Variants in ACTR3B observed in about 807,000 individuals in gnomAD.
ACTR3B encodes the protein actin-related protein 3B.
ACTR3B carries 8 observed loss-of-function variants against 59.0 expected under a neutral mutation model. The ratio of observed to expected loss-of-function variants is 0.14; its 90% CI spans 0.08 to 0.24. ACTR3B has a LOEUF of 0.24. Ranked by LOEUF, ACTR3B falls within the 10% of genes least tolerant of loss-of-function variation. ACTR3B has a pLI of 1.00. For missense variants in ACTR3B, 245 were observed against 552.3 expected, an observed-to-expected ratio of 0.44 and a Z score of 5.58; for synonymous variants, 148 against 197.9, an observed-to-expected ratio of 0.75 and a Z score of 2.12.
At chr7:152,770,770 A>G (rs2098122028) in intron 1 of ACTR3B, among the ~76,000 whole-genome samples, 1 of 137,024 alleles carries the variant, frequency 7.3e-6, no homozygotes, top group South Asian at 2.2e-4. Context: ...ATTCAGTGTC[A>G]TTGTAAGCAT....
chr7:152,820,158 G>A, intron 6 of ACTR3B, 141 bp from the exon 7 acceptor site: 1 of 1,450,596 alleles, frequency 6.9e-7, no homozygotes, highest in Non-Finnish European at 9.2e-7. Context: ...TACTGAGCTT[G>A]CAGAGGGTGG....
intron 9 of ACTR3B, among the ~76,000 whole-genome samples, chr7:152,835,822 TGTC>T (rs1340278676): frequency 6.6e-6 from 1 of 152,264 alleles, no homozygotes; most frequent in Non-Finnish European, 1.5e-5. Flanking sequence ...TTAATAGTTC[TGTC>T]TCCCTACCCG....
intron 1 of ACTR3B, among the ~76,000 whole-genome samples, chr7:152,762,402 CA>C (rs1331492109): frequency 6.6e-6 from 1 of 152,026 alleles, no homozygotes; most frequent in Non-Finnish European, 1.5e-5. Flanking sequence ...TGGAAGAGAA[CA>C]AAAAACTACT....
At chr7:152,801,359 G>A (rs1161599634) in intron 3 of ACTR3B, among the ~76,000 whole-genome samples, 1 of 152,324 alleles carries the variant, frequency 6.6e-6, no homozygotes, top group East Asian at 1.9e-4. Context: ...GATTAGAGGC[G>A]TGAGCCACTG....
At chr7:152,779,259 C>T (rs528478162) in intron 1 of ACTR3B, among the ~76,000 whole-genome samples, 165 of 151,950 alleles carry the variant, frequency 1.1e-3, no homozygotes, top group Non-Finnish European at 1.8e-3. Flanking sequence ...TAGTGAATCG[C>T]GCACAGCCCC....
At chr7:152,804,666 C>T (rs572710304) in intron 4 of ACTR3B, among the ~76,000 whole-genome samples, 1 of 152,278 alleles carries the variant, frequency 6.6e-6, no homozygotes, top group South Asian at 2.1e-4. Context: ...GTCAAAACCA[C>T]CCATGAAAAT....
intron 4 of ACTR3B, chr7:152,811,601 T>C (rs1795242971): frequency 6.6e-6 from 1 of 152,252 alleles, no homozygotes; most frequent in Non-Finnish European, 1.5e-5. Context: ...TTTTTCTCTT[T>C]GCTTTTTATT....
intron 9 of ACTR3B, among the ~76,000 whole-genome samples, chr7:152,830,962 A>G (rs1343628710): frequency 6.6e-6 from 1 of 152,248 alleles, no homozygotes; most frequent in Non-Finnish European, 1.5e-5. Flanking sequence ...TAGGTCTTTT[A>G]TTCAGATGAA....
chr7:152,840,403 C>T (rs1229770629), intron 9 of ACTR3B, among the ~76,000 whole-genome samples: 1 of 152,186 alleles, frequency 6.6e-6, no homozygotes, highest in African/African-American at 2.4e-5. Context: ...TCTAATTTCC[C>T]CTCAGACCTG....
intron 4 of ACTR3B, 97 bp from the exon 5 acceptor site, chr7:152,814,453 T>A (rs1795520164): frequency 3.2e-6 from 3 of 938,738 alleles, no homozygotes; most frequent in East Asian, 5.5e-5. Context: ...TTGTATAATG[T>A]CCTCGCTAAC....
At chr7:152,813,808 C>T (rs1194277763) in intron 4 of ACTR3B, 2 of 140,056 alleles carry the variant, frequency 1.4e-5, no homozygotes, top group Non-Finnish European at 3.1e-5. Flanking sequence ...GGATGATGGG[C>T]GTGAGCTACC....
At chr7:152,769,829 T>C (rs553093297) in intron 1 of ACTR3B, among the ~76,000 whole-genome samples, 1 of 151,834 alleles carries the variant, frequency 6.6e-6, no homozygotes, top group South Asian at 2.1e-4. Flanking sequence ...CTTGCATCTC[T>C]TCTTCCTCTC....
chr7:152,759,871 C>G lies in ACTR3B; in HGVS notation c.-12C>G. 5 of 1,321,608 alleles carry G rather than the reference C, an allele frequency of 3.8e-6. No individual in the cohort carries two copies. The highest frequency in any genetic ancestry group is 4.9e-6 in the Non-Finnish European group (5 of 1,026,912). 81.9% of individuals were successfully genotyped at this position (1,321,608 alleles called of 1,614,324 possible). On this transcript the variant is annotated 5_prime_UTR_variant, in exon 1 of 12. Coordinates refer to ENST00000256001, the MANE Select transcript of ACTR3B (RefSeq NM_020445.6). ...GGGCTGCCGGCGGGGCCGAGCGCCGCGCGTCCCGAGCATGGCAGGCTCCCT... is the reference window on the plus strand; with the variant it reads ...GGGCTGCCGGCGGGGCCGAGCGCCGGGCGTCCCGAGCATGGCAGGCTCCCT...
At chr7:152,848,091 C>G (rs1396076918) in intron 9 of ACTR3B, among the ~76,000 whole-genome samples, 1 of 151,882 alleles carries the variant, frequency 6.6e-6, no homozygotes, top group South Asian at 2.1e-4. Flanking sequence ...TTCAGAATAA[C>G]AATAGCTCAG....
At chr7:152,808,503 A>G (rs2098259347) in intron 4 of ACTR3B, among the ~76,000 whole-genome samples, 1 of 152,096 alleles carries the variant, frequency 6.6e-6, no homozygotes, top group Non-Finnish European at 1.5e-5. Flanking sequence ...GAGAGAATGC[A>G]GGGAGCCAGG....
At chr7:152,780,908 C>A (rs1175749736) in intron 1 of ACTR3B, among the ~76,000 whole-genome samples, 1 of 147,180 alleles carries the variant, frequency 6.8e-6, no homozygotes, top group Non-Finnish European at 1.5e-5. Context: ...GGCAGTGGGG[C>A]AGTCATAGTT....
chr7:152,841,728 A>C (rs1797882346), intron 9 of ACTR3B, among the ~76,000 whole-genome samples: 1 of 152,216 alleles, frequency 6.6e-6, no homozygotes, highest in Non-Finnish European at 1.5e-5. Flanking sequence ...ATGAAGAGTT[A>C]GAGACTGTAC....
At chr7:152,850,291 G>A (rs1798695705) in intron 9 of ACTR3B, among the ~76,000 whole-genome samples, 2 of 145,460 alleles carry the variant, frequency 1.4e-5, no homozygotes, top group South Asian at 4.4e-4. Flanking sequence ...GATCACTGGT[G>A]GCTTCTCCAG....
At chr7:152,829,981 A>C (rs1323184828) in intron 9 of ACTR3B, among the ~76,000 whole-genome samples, 1 of 152,252 alleles carries the variant, frequency 6.6e-6, no homozygotes, top group Admixed American at 6.5e-5. Context: ...TCTTGCCTTC[A>C]AGAGCTTATA....
Sources: gnomAD v4.1 joint callset for allele counts (sites outside exome capture counted in the v4.1 genomes callset) on GRCh38, gnomAD v4.1.1 for gene constraint, MANE v1.5 for transcripts, NCBI Gene and HGNC (gene_info 2026-07-23, HGNC 2026-07-21) for gene names.